GPR89A: variants seen among roughly 807,000 people sequenced by gnomAD.
The protein encoded by GPR89A is golgi pH regulator A.
A neutral mutation model predicts 52.0 loss-of-function variants in GPR89A; 16 were observed. The observed-to-expected ratio is 0.31, with a 90% CI of 0.21 to 0.47. GPR89A has a LOEUF of 0.47. Among genes scored for constraint, GPR89A ranks in the 20% least tolerant of loss-of-function variants. The pLI is 1.00. For synonymous variants in GPR89A, 55 were observed against 150.9 expected (o/e 0.36, Z 4.66); for missense variants, 135 against 449.4 (o/e 0.30, Z 6.33).
At chr1:145,640,939 G>A (rs1448076589) in intron 7 of GPR89A, among the ~76,000 whole-genome samples, 1 of 151,246 alleles carries the variant, frequency 6.6e-6, no homozygotes, top group Non-Finnish European at 1.5e-5. Context: ...TTATGGACAT[G>A]CCATTAAAAC....
intron 5 of GPR89A, among the ~76,000 whole-genome samples, chr1:145,628,286 C>G (rs1649649336): frequency 1.3e-5 from 2 of 151,982 alleles, no homozygotes; most frequent in African/African-American, 4.8e-5. Flanking sequence ...CCAGACAGAG[C>G]AAGAAGTGAC....
chr1:145,640,076 C>T (rs587770811), intron 7 of GPR89A, among the ~76,000 whole-genome samples: 3 of 151,086 alleles, frequency 2.0e-5, no homozygotes, highest in South Asian at 2.1e-4. Context: ...AAAATTAGCC[C>T]GGTGTGGTGG....
intron 10 of GPR89A, among the ~76,000 whole-genome samples, chr1:145,647,721 C>T (rs1191382176): frequency 6.7e-6 from 1 of 148,190 alleles, no homozygotes; most frequent in African/African-American, 2.5e-5. Flanking sequence ...AGGAGAATCG[C>T]TTGAACCCGA....
chr1:145,619,472 T>C (rs1229689101), intron 3 of GPR89A, among the ~76,000 whole-genome samples: 3 of 151,276 alleles, frequency 2.0e-5, no homozygotes, highest in African/African-American at 7.3e-5. Context: ...ATTAGCAGAG[T>C]GTGGTAGTAC....
At chr1:145,613,108 C>T (rs1648418672) in intron 1 of GPR89A, among the ~76,000 whole-genome samples, 1 of 151,296 alleles carries the variant, frequency 6.6e-6, no homozygotes, top group Non-Finnish European at 1.5e-5. Context: ...ATTCCAGATA[C>T]TTGCTGGATA....
At chr1:145,623,030 G>A in intron 3 of GPR89A, 24 bp from the exon 4 acceptor site, 1 of 1,598,868 alleles carries the variant, frequency 6.3e-7, no homozygotes, top group Non-Finnish European at 8.5e-7. Flanking sequence ...TCCTCCCAGT[G>A]ACAGTCTTTG....
intron 1 of GPR89A, among the ~76,000 whole-genome samples, chr1:145,615,756 G>T (rs1421084131): frequency 1.3e-5 from 2 of 150,060 alleles, no homozygotes; most frequent in East Asian, 3.9e-4. Context: ...CTTTGGAGTA[G>T]CTGGGAATAC....
At chr1:145,613,376 C>T (rs868944483) in intron 1 of GPR89A, among the ~76,000 whole-genome samples, 18 of 152,080 alleles carry the variant, frequency 1.2e-4, no homozygotes, top group African/African-American at 4.3e-4. Flanking sequence ...AGGGCTTTAT[C>T]ATCTTTCATC....
At chr1:145,625,671 G>A (rs1649445299) in intron 5 of GPR89A, among the ~76,000 whole-genome samples, 1 of 146,016 alleles carries the variant, frequency 6.8e-6, no homozygotes. Context: ...TATCAGCCTG[G>A]ACAATCCTTC....
At chr1:145,661,934 T>A (rs1216014441) in intron 10 of GPR89A, among the ~76,000 whole-genome samples, 1 of 151,906 alleles carries the variant, frequency 6.6e-6, no homozygotes, top group Admixed American at 6.6e-5. Flanking sequence ...TATTTGAGGA[T>A]CTTCCAAATA....
Position 145,616,282 on chromosome 1 carries a change from A to G in GPR89A, c.91A>G (p.Lys31Glu). Residue 31 changes from lysine (K) to glutamate (E), a missense_variant, in exon 2 of 14, where the codon AAA becomes GAA. Coordinates refer to ENST00000313835, the MANE Select transcript of GPR89A (RefSeq NM_001097612.2). ...GCTTTTCTTCATGCGCCAATTGTTT[A>G]AAGACTATGAGGTGAGAAGAAATCA... The part of the protein sequence containing the change: ...GWLFFMRQLF[K>E]DYEIRQYVVQ... 1.9e-6 allele frequency: 3 copies of G among 1,608,420 alleles called. No individual in the cohort carries two copies. Among genetic ancestry groups the G allele is most frequent in the Non-Finnish European group, 2.5e-6 (3 of 1,176,778 alleles).
intron 10 of GPR89A, among the ~76,000 whole-genome samples, chr1:145,649,551 G>A (rs1553693222): frequency 6.6e-6 from 1 of 151,614 alleles, no homozygotes; most frequent in Non-Finnish European, 1.5e-5. Flanking sequence ...CCATTCATCT[G>A]ATGATGAATA....
intron 5 of GPR89A, among the ~76,000 whole-genome samples, chr1:145,628,646 A>C (rs1270561888): frequency 1.3e-5 from 2 of 152,064 alleles, no homozygotes; most frequent in African/African-American, 4.8e-5. Flanking sequence ...GGGTTAAATG[A>C]ATTAGAACAT....
chr1:145,623,026 C>T lies in GPR89A; in HGVS notation c.207-28C>T, dbSNP rs587678403. On this transcript the variant is annotated intron_variant, in intron 3 of 13. Transcript: ENST00000313835. ...GAAAGTTGCTGCCCTCTCTTCCTCC[C>T]AGTGACAGTCTTTGACATTTATTTC... is the stretch of plus-strand genomic sequence containing the variant. 32 of 1,598,564 alleles carry T rather than the reference C, an allele frequency of 2.0e-5. No individual in the cohort carries two copies. In the African/African-American group the frequency reaches 3.6e-4, roughly 18 times the overall value.
intron 4 of GPR89A, 81 bp from the exon 5 acceptor site, chr1:145,623,532 G>A (rs1649281413): frequency 9.1e-6 from 7 of 770,454 alleles, no homozygotes; most frequent in Non-Finnish European, 1.5e-5. Flanking sequence ...ATATTAGTTA[G>A]CATTATCTTA....
chr1:145,625,339 G>T (rs1649422733), intron 5 of GPR89A, among the ~76,000 whole-genome samples: 2 of 7,134 alleles, frequency 2.8e-4, no homozygotes, highest in Non-Finnish European at 4.2e-4. Context: ...ATTATTTCAA[G>T]TTTCTTTTTT....
At chr1:145,632,850 T>A (rs1553690122) in intron 7 of GPR89A, among the ~76,000 whole-genome samples, 2 of 152,162 alleles carry the variant, frequency 1.3e-5, no homozygotes, top group Admixed American at 6.5e-5. Flanking sequence ...TTGTGCTAAT[T>A]TATATTTCCA....
chr1:145,669,510 A>G, intron 12 of GPR89A, 115 bp from the exon 13 acceptor site: 2 of 754,198 alleles, frequency 2.7e-6, no homozygotes, highest in Non-Finnish European at 4.8e-6. Flanking sequence ...ATTGTTCTAT[A>G]CAGGATTGTG....
chr1:145,613,384 A>G (rs868974026), intron 1 of GPR89A, among the ~76,000 whole-genome samples: 33 of 152,010 alleles, frequency 2.2e-4, no homozygotes, highest in African/African-American at 8.0e-4. Context: ...ATCATCTTTC[A>G]TCTGAATTCC....
Sources: allele counts gnomAD v4.1 joint callset (sites outside exome capture counted in the v4.1 genomes callset), GRCh38; gene constraint gnomAD v4.1.1; transcripts MANE v1.5; gene names NCBI Gene and HGNC (gene_info 2026-07-23, HGNC 2026-07-21).